The following ADCY3 variants were observed in gnomAD, a reference collection of about 807,000 sequenced individuals.
The protein encoded by ADCY3 is adenylate cyclase 3.
Under a neutral mutation model 119.4 loss-of-function variants are expected in ADCY3, and 70 were observed. The ratio of observed to expected loss-of-function variants is 0.59; its 90% CI spans 0.48 to 0.72. The LOEUF is 0.72. ADCY3 is among the 30% of genes least tolerant of loss of function. The pLI is 0.00. For synonymous variants in ADCY3, 672 were observed against 621.4 expected, an observed-to-expected ratio of 1.08 and a Z score of -1.21; for missense variants, 1,238 against 1,541.6, an observed-to-expected ratio of 0.80 and a Z score of 3.30.
At chr2:24,853,467 CTTTTT>C (rs745408152) in intron 3 of ADCY3, among the ~76,000 whole-genome samples, 1 of 115,238 alleles carries the variant, frequency 8.7e-6, no homozygotes, top group East Asian at 2.5e-4. Flanking sequence ...CGCGCCTCAT[CTTTTT>C]TTTTTTTTTT....
intron 3 of ADCY3, among the ~76,000 whole-genome samples, chr2:24,853,151 C>G (rs982842062): frequency 7.2e-5 from 11 of 151,980 alleles, no homozygotes; most frequent in African/African-American, 2.7e-4. Flanking sequence ...GAGGCAAAAC[C>G]TGTAACCGAG....
Position 24,834,762 on chromosome 2 carries a change from G to A in ADCY3, c.1805+32C>T, listed in dbSNP as rs1670067816. 1 of 1,604,040 alleles carries A rather than the reference G, an allele frequency of 6.2e-7. No individual in the cohort carries two copies. The highest frequency in any genetic ancestry group is 1.3e-5 in the African/African-American group (1 of 74,874). ...TCCCTTGTCAGGGCCCGGGAGGAGT[G>A]GTGGGCCTGGACGCTTCCGGGTGGC... On this transcript the variant is annotated intron_variant, in intron 10 of 21. Transcript: ENST00000679454. The surrounding 1 kb of genome is among the most constrained non-coding windows in gnomAD (Gnocchi z 4.2).
chr2:24,871,740 G>T (rs543725892), intron 3 of ADCY3, among the ~76,000 whole-genome samples: 44 of 152,230 alleles, frequency 2.9e-4, no homozygotes, highest in Non-Finnish European at 5.4e-4. Context: ...GTTTTTGAAG[G>T]GGAAATAACC....
chr2:24,846,379 G>A (rs528216502), intron 3 of ADCY3, among the ~76,000 whole-genome samples: 2 of 152,212 alleles, frequency 1.3e-5, no homozygotes, highest in Non-Finnish European at 2.9e-5. Flanking sequence ...TTACATCAGC[G>A]TGACCTGGAT....
chr2:24,839,614 A>G (rs192011229), intron 7 of ADCY3, among the ~76,000 whole-genome samples: 6 of 152,268 alleles, frequency 3.9e-5, no homozygotes, highest in Middle Eastern at 3.4e-3. Context: ...GGTAAAGGGG[A>G]CAGGAGGACA....
intron 2 of ADCY3, among the ~76,000 whole-genome samples, chr2:24,904,745 A>G (rs6717671): frequency 0.53 from 79,482 of 150,812 alleles, 23,199 homozygotes; most frequent in African/African-American, 0.8. Flanking sequence ...GGGTTCAAGC[A>G]ATTCTCCTGC....
intron 3 of ADCY3, among the ~76,000 whole-genome samples, chr2:24,851,915 G>A (rs562215387): frequency 1.6e-4 from 24 of 152,232 alleles, no homozygotes; most frequent in Non-Finnish European, 2.4e-4. Flanking sequence ...TGTAAACCCC[G>A]GATTTAGCAG....
At chr2:24,833,176 A>C (rs959224603) in intron 11 of ADCY3, among the ~76,000 whole-genome samples, 2 of 152,176 alleles carry the variant, frequency 1.3e-5, no homozygotes, top group Admixed American at 6.5e-5. Context: ...ATATGTCACA[A>C]CAGGGGACTC....
At chr2:24,880,120 C>T (rs1676217369) in intron 2 of ADCY3, among the ~76,000 whole-genome samples, 1 of 152,200 alleles carries the variant, frequency 6.6e-6, no homozygotes, top group Non-Finnish European at 1.5e-5. Flanking sequence ...AAAGGGGCCT[C>T]CAGAAGCTTT....
At chr2:24,822,396 G>T (rs1667911091) in intron 19 of ADCY3, 115 bp downstream of exon 19, 1 of 1,393,734 alleles carries the variant, frequency 7.2e-7, no homozygotes, top group Admixed American at 2.1e-5. Flanking sequence ...TGCTGGTGGT[G>T]TGTGTCTGGG....
chr2:24,834,425 C>G lies in ADCY3; in HGVS notation c.1967+60G>C. ...CTCCCGCTGAGACACCTGCCCCCGCCCCCCGCCCGGCACCACCGCAGCCGA... is the reference window on the plus strand; with the variant it reads ...CTCCCGCTGAGACACCTGCCCCCGCGCCCCGCCCGGCACCACCGCAGCCGA... On this transcript the variant is annotated intron_variant, in intron 11 of 21. Coordinates refer to ENST00000679454, the MANE Select transcript of ADCY3 (RefSeq NM_004036.5). This position sits in a 1 kb window ranked among gnomAD's most constrained non-coding sequence, Gnocchi z 4.2. 12 of 1,008,416 alleles carry G rather than the reference C, an allele frequency of 1.2e-5. No individual in the cohort carries two copies. Among genetic ancestry groups the G allele is most frequent in the Non-Finnish European group, 1.6e-5 (11 of 695,918 alleles). The allele number at this position is 1,008,416 out of a possible 1,614,324, so 62.5% of individuals were successfully genotyped here.
intron 2 of ADCY3, among the ~76,000 whole-genome samples, chr2:24,883,908 T>C (rs763980333): frequency 6.6e-6 from 1 of 152,220 alleles, no homozygotes; most frequent in African/African-American, 2.4e-5. Flanking sequence ...TTCCTACCTT[T>C]CAATTCAGAA....
chr2:24,916,421 C>T (rs149777710), intron 2 of ADCY3, among the ~76,000 whole-genome samples: 16 of 152,298 alleles, frequency 1.1e-4, no homozygotes, highest in African/African-American at 1.9e-4. Flanking sequence ...TGGTGGCTCA[C>T]GCCTGTAATC....
intron 8 of ADCY3, 49 bp from the exon 9 acceptor site, chr2:24,837,094 G>T (rs1251126099): frequency 1.2e-6 from 2 of 1,601,586 alleles, no homozygotes; most frequent in South Asian, 1.1e-5. Context: ...GATGAGAGTG[G>T]CGTGGACAGG....
chr2:24,820,979 C>T, intron 20 of ADCY3, 131 bp from the exon 21 acceptor site: 2 of 1,353,058 alleles, frequency 1.5e-6, no homozygotes, highest in Non-Finnish European at 2.0e-6. Flanking sequence ...TTCAACTTGG[C>T]TGTATGCTAT....
intron 2 of ADCY3, among the ~76,000 whole-genome samples, chr2:24,885,933 G>A (rs900413990): frequency 3.9e-5 from 6 of 152,030 alleles, no homozygotes; most frequent in Non-Finnish European, 7.4e-5. Context: ...TCCTGACCTC[G>A]GCACATGCTG....
intron 2 of ADCY3, among the ~76,000 whole-genome samples, chr2:24,907,379 A>G (rs1662993376): frequency 2.0e-5 from 3 of 152,068 alleles, no homozygotes; most frequent in South Asian, 4.2e-4. Context: ...CCAGTCGCTT[A>G]TGTTGGGGTT....
chr2:24,862,379 T>C (rs1303277235), intron 3 of ADCY3, among the ~76,000 whole-genome samples: 2 of 152,148 alleles, frequency 1.3e-5, no homozygotes, highest in Non-Finnish European at 2.9e-5. Context: ...ACCCCGTCTC[T>C]ACTAAAAATA....
At chr2:24,847,753 G>T (rs1365052057) in intron 3 of ADCY3, among the ~76,000 whole-genome samples, 3 of 152,232 alleles carry the variant, frequency 2.0e-5, no homozygotes, top group Non-Finnish European at 4.4e-5. Flanking sequence ...CCTCTAGGAA[G>T]GTTTTCAAGA....
Sources: gnomAD v4.1 joint callset for allele counts (sites outside exome capture counted in the v4.1 genomes callset) on GRCh38, gnomAD v4.1.1 for gene constraint, Gnocchi (gnomAD v3.1) non-coding constraint, MANE v1.5 for transcripts, NCBI Gene and HGNC (gene_info 2026-07-23, HGNC 2026-07-21) for gene names.